Variants in NPAS3 observed in about 807,000 individuals in gnomAD.
NPAS3 encodes the protein neuronal PAS domain-containing protein 3.
Under a neutral mutation model 73.1 loss-of-function variants are expected in NPAS3, and 14 were observed. The observed-to-expected ratio is 0.19, with a 90% CI of 0.13 to 0.30. NPAS3 has a LOEUF of 0.30. Ranked by LOEUF, NPAS3 falls within the 10% of genes least tolerant of loss-of-function variation. NPAS3 has a pLI of 1.00. For missense variants in NPAS3, 1,096 were observed against 1,250.0 expected (o/e 0.88, Z 1.86); for synonymous variants, 620 against 541.5 (o/e 1.14, Z -2.01).
chr14:33,028,696 G>T (rs1368150135), intron 1 of NPAS3, among the ~76,000 whole-genome samples: 1 of 152,092 alleles, frequency 6.6e-6, no homozygotes, highest in East Asian at 1.9e-4. Context: ...CAGGTACAGT[G>T]GGAACACCAA....
chr14:33,787,174 G>C (rs2063202452), intron 9 of NPAS3, among the ~76,000 whole-genome samples: 1 of 152,102 alleles, frequency 6.6e-6, no homozygotes, highest in Non-Finnish European at 1.5e-5. Context: ...GTAAAATACT[G>C]TGATCTCAGA....
At chr14:33,467,319 T>G (rs2050573290) in intron 4 of NPAS3, among the ~76,000 whole-genome samples, 1 of 152,208 alleles carries the variant, frequency 6.6e-6, no homozygotes, top group South Asian at 2.1e-4. Context: ...CAGAAGATCT[T>G]GCTATAATAG....
In NPAS3 at chr14:33,069,203, A is replaced by G. The variant is rs141596678; in HGVS notation, c.140+13209A>G. Among the ~76,000 whole-genome samples, 114 of 152,310 alleles carry G rather than the reference A, an allele frequency of 7.5e-4. 1 individual carries two copies. The East Asian group carries it at 0.02, about 27-fold the overall frequency. On this transcript the variant is annotated intron_variant, in intron 2 of 11. Transcript: ENST00000356141. Reference sequence around the variant, plus strand: ...GATATTGAATCCAAGATTAAATACTAATGTATCATTGACTTTGTATTCCAT... The same window carrying G: ...GATATTGAATCCAAGATTAAATACTGATGTATCATTGACTTTGTATTCCAT...
intron 4 of NPAS3, among the ~76,000 whole-genome samples, chr14:33,441,289 A>G (rs910952947): frequency 4.6e-5 from 7 of 152,250 alleles, no homozygotes; most frequent in Non-Finnish European, 1.0e-4. Flanking sequence ...CTTTCCTAAT[A>G]TAAAACTTTA....
chr14:33,356,325 C>A (rs968445730), intron 3 of NPAS3, among the ~76,000 whole-genome samples: 1 of 152,220 alleles, frequency 6.6e-6, no homozygotes, highest in African/African-American at 2.4e-5. Context: ...GATTCTTTTT[C>A]AGAAAATGTT....
chr14:33,125,836 A>C (rs1189925061), intron 2 of NPAS3, among the ~76,000 whole-genome samples: 1 of 152,208 alleles, frequency 6.6e-6, no homozygotes, highest in African/African-American at 2.4e-5. Context: ...TAAAAATAGT[A>C]ATGTTTTAGA....
At chr14:33,464,119 G>A (rs1199602132) in intron 4 of NPAS3, among the ~76,000 whole-genome samples, 1 of 152,078 alleles carries the variant, frequency 6.6e-6, no homozygotes, top group Admixed American at 6.5e-5. Context: ...AGTAAAATGA[G>A]GGACATTATA....
At chr14:33,722,206 T>C (rs191789039) in intron 6 of NPAS3, among the ~76,000 whole-genome samples, 2 of 152,326 alleles carry the variant, frequency 1.3e-5, no homozygotes, top group Non-Finnish European at 2.9e-5. Flanking sequence ...TGGAAAGCTA[T>C]ATTTGAAGAG....
intron 4 of NPAS3, among the ~76,000 whole-genome samples, chr14:33,537,837 A>T (rs1254692695): frequency 6.6e-6 from 1 of 152,184 alleles, no homozygotes; most frequent in Non-Finnish European, 1.5e-5. Context: ...AAGCCACTGC[A>T]GAGAAGAGGG....
At chr14:33,260,518 AT>A (rs1304509572) in intron 3 of NPAS3, among the ~76,000 whole-genome samples, 1 of 152,122 alleles carries the variant, frequency 6.6e-6, no homozygotes, top group Non-Finnish European at 1.5e-5. Context: ...TTCCAAGTAG[AT>A]TGCCTCTTCA....
chr14:33,661,260 T>C (rs1225154079), intron 5 of NPAS3, among the ~76,000 whole-genome samples: 1 of 152,174 alleles, frequency 6.6e-6, no homozygotes, highest in African/African-American at 2.4e-5. Context: ...ATAAAGTCTT[T>C]GTCTGGGTTT....
At chr14:33,167,258 T>C (rs1039580366) in intron 2 of NPAS3, among the ~76,000 whole-genome samples, 3 of 152,212 alleles carry the variant, frequency 2.0e-5, no homozygotes, top group East Asian at 3.8e-4. Context: ...TCAGGAGTTC[T>C]ATAAACTCTC....
chr14:33,771,810 C>CA lies in NPAS3; in HGVS notation c.853-2514dup, dbSNP rs564918528. On this transcript the variant is annotated intron_variant, in intron 7 of 11. Coordinates refer to ENST00000356141, the Ensembl canonical transcript of NPAS3. The stretch of plus-strand genomic sequence containing the variant: ...TGGGCGACAGAGCGAGACTCCATCT[C>CA]AAAAAAAAAAAAATTGGCATGTGGT... Among the ~76,000 whole-genome samples the CA allele has an allele frequency of 3.6e-3, 504 of 139,566 alleles. 5 individuals carry two copies. The highest frequency in any genetic ancestry group is 7.0e-3 in the South Asian group (31 of 4,408). 91.6% of individuals were successfully genotyped at this position (139,566 alleles called of 152,430 possible).
intron 3 of NPAS3, among the ~76,000 whole-genome samples, chr14:33,239,693 C>T (rs1368688359): frequency 6.6e-6 from 1 of 151,956 alleles, no homozygotes; most frequent in East Asian, 1.9e-4. Context: ...TCGTTTTTAA[C>T]ATAAACATTA....
chr14:33,509,325 A>T (rs1023737542), intron 4 of NPAS3, among the ~76,000 whole-genome samples: 3 of 151,968 alleles, frequency 2.0e-5, no homozygotes, highest in Non-Finnish European at 4.4e-5. Context: ...GCTATAAAGG[A>T]GTTGAGCAAA....
intron 2 of NPAS3, among the ~76,000 whole-genome samples, chr14:33,201,870 C>G (rs540249973): frequency 6.6e-6 from 1 of 152,258 alleles, no homozygotes; most frequent in East Asian, 1.9e-4. Context: ...TGAGAACTCT[C>G]AACAGTTGGG....
At chr14:33,500,326 A>G (rs1488229572) in intron 4 of NPAS3, among the ~76,000 whole-genome samples, 1 of 151,914 alleles carries the variant, frequency 6.6e-6, no homozygotes, top group Non-Finnish European at 1.5e-5. Flanking sequence ...GTAAAGCTAC[A>G]TGAATTTCTC....
At chr14:32,998,514 T>C (rs1300088964) in intron 1 of NPAS3, among the ~76,000 whole-genome samples, 1 of 152,218 alleles carries the variant, frequency 6.6e-6, no homozygotes, top group African/African-American at 2.4e-5. Context: ...AAATGATTAA[T>C]GTTGTATCAT....
intron 5 of NPAS3, among the ~76,000 whole-genome samples, chr14:33,600,020 G>C (rs2057353388): frequency 1.3e-5 from 2 of 152,136 alleles, no homozygotes; most frequent in African/African-American, 4.8e-5. Flanking sequence ...AAGGTCTTGT[G>C]CCCCTGTGAC....
Sources: gnomAD v4.1 joint callset for allele counts (sites outside exome capture counted in the v4.1 genomes callset) on GRCh38, gnomAD v4.1.1 for gene constraint, MANE v1.5 for transcripts, NCBI Gene and HGNC (gene_info 2026-07-23, HGNC 2026-07-21) for gene names.